HELB: variants seen among roughly 807,000 people sequenced by gnomAD.
HELB encodes DNA 5'-3' helicase B.
Under a neutral mutation model 101.7 loss-of-function variants are expected in HELB, and 96 were observed. The observed-to-expected ratio is 0.94, with a 90% CI of 0.80 to 1.12. HELB has a LOEUF of 1.12. Among genes scored for constraint, HELB ranks in the 50% most tolerant of loss-of-function variants. HELB has a pLI of 0.00. For synonymous variants in HELB, 437 were observed against 459.7 expected (o/e 0.95, Z 0.63); for missense variants, 1,210 against 1,291.9 (o/e 0.94, Z 0.97).
At chr12:66,313,234 T>C (rs2136995533) in intron 4 of HELB, among the ~76,000 whole-genome samples, 1 of 152,214 alleles carries the variant, frequency 6.6e-6, no homozygotes, top group Non-Finnish European at 1.5e-5. Context: ...TATGATACCA[T>C]TTAGAAAATC....
rs1331834814 is a variant in HELB at position 66,324,923 on chromosome 12, C to T, written c.2527-60C>T. The T allele has an allele frequency of 9.4e-6, 15 of 1,590,106 alleles. No individual in the cohort carries two copies. The South Asian group carries it at 1.0e-4, about 11-fold the overall frequency. ...GACCCAAAGATAGAATATCTTTGAA[C>T]GTATTTGAACGTAGAACATATTTGA... On this transcript the variant is annotated intron_variant, in intron 10 of 12. Transcript: ENST00000247815.
In HELB at chr12:66,310,294, C is replaced by A. The variant is rs769875630; in HGVS notation, c.1366C>A (p.Arg456=). ...DQDQVEVPLD[R]DQVAALEMIC... is the part of the protein sequence containing the mutation. ...GGATCAGGTTGAAGTTCCACTGGAT[C>A]GGGATCAGGTGGCTGCTTTGGAAAT... is the stretch of plus-strand genomic sequence containing the variant. Residue 456 remains arginine, a synonymous_variant, in exon 4 of 13, where the codon CGG becomes AGG. Coordinates refer to ENST00000247815, the MANE Select transcript of HELB (RefSeq NM_001370285.1). 1.8e-5 allele frequency: 29 copies of A among 1,613,944 alleles called. No homozygotes were observed. The highest frequency in any genetic ancestry group is 2.4e-5 in the Non-Finnish European group (28 of 1,180,038).
Position 66,338,136 on chromosome 12 carries a change from T to C in HELB, c.*34T>C. 8.1e-7 allele frequency: 1 copy of C among 1,229,692 alleles called. No individual in the cohort carries two copies. The highest frequency in any genetic ancestry group is 1.2e-6 in the Non-Finnish European group (1 of 834,708). The allele number at this position is 1,229,692 out of a possible 1,614,324, so 76.2% of individuals were successfully genotyped here. A position where few individuals can be genotyped will look rare whatever the true frequency, so the allele number is the denominator to read the frequency against. The stretch of plus-strand genomic sequence containing the variant: ...CAAATTGTTCCGAGTAACTATGTTT[T>C]TCTATTGGAGACAAAATGAACATCG... On this transcript the variant is annotated 3_prime_UTR_variant, in exon 13 of 13. Transcript: ENST00000247815.
Position 66,324,035 on chromosome 12 carries a change from A to G in HELB, c.2350A>G (p.Arg784Gly). ...AATTGGTGATAAAATTTGTTGTACC[A>G]GGAATGCATACCTCTCAGACTTACT... is the stretch of plus-strand genomic sequence containing the variant. Reference protein sequence around the residue: ...FGIGDKICCTRNAYLSDLLPE... With the variant: ...FGIGDKICCTGNAYLSDLLPE... The change falls in exon 10 of 13, where the codon AGG becomes GGG. Residue 784 changes from arginine to glycine, a missense_variant. Arg to Gly is a moderately radical substitution (Grantham distance 125). Around this residue, in one of 2 missense-constraint regions of HELB, gnomAD observed 740 missense variants for 728.8 expected, o/e 1.02. Transcript: ENST00000247815. 3 of 1,613,676 alleles carry G rather than the reference A, an allele frequency of 1.9e-6. No homozygotes were observed. The highest frequency in any genetic ancestry group is 1.7e-6 in the Non-Finnish European group (2 of 1,179,704).
intron 3 of HELB, among the ~76,000 whole-genome samples, chr12:66,308,283 A>T (rs1453385747): frequency 1.3e-5 from 2 of 152,086 alleles, no homozygotes; most frequent in African/African-American, 4.8e-5. Context: ...GGCAGAGATT[A>T]TCTGGTGGTG....
At chr12:66,316,191 T>C (rs768051354) in intron 6 of HELB, among the ~76,000 whole-genome samples, 1 of 152,190 alleles carries the variant, frequency 6.6e-6, no homozygotes, top group African/African-American at 2.4e-5. Flanking sequence ...GGCTGTACTA[T>C]ATAGCCTAGA....
chr12:66,331,415 C>T lies in HELB; in HGVS notation c.2932C>T (p.Pro978Ser), dbSNP rs1025406786. The T allele has an allele frequency of 6.2e-7, 1 of 1,614,186 alleles. No individual in the cohort carries two copies. Among genetic ancestry groups the T allele is most frequent in the Non-Finnish European group, 8.5e-7 (1 of 1,180,028 alleles). Reference protein sequence around the residue: ...PRKSSGDSGGPSTPSASPLPV... With the variant: ...PRKSSGDSGGSSTPSASPLPV... ...GAAGAGCTCTGGAGACAGTGGAGGA[C>T]CCAGCACACCGTCAGCATCTCCACT... The change falls in exon 12 of 13, where the codon CCC becomes TCC. Residue 978 changes from proline to serine, a missense_variant. Pro to Ser is a moderately conservative substitution (Grantham distance 74, BLOSUM62 -1). Transcript: ENST00000247815.
chr12:66,334,770 C>A lies in HELB; in HGVS notation c.3162+3125C>A, dbSNP rs569283180. Among the ~76,000 whole-genome samples, 4 of 148,428 alleles carry A rather than the reference C, an allele frequency of 2.7e-5. No individual in the cohort carries two copies. The South Asian group carries it at 8.6e-4, about 32-fold the overall frequency. On this transcript the variant is annotated intron_variant, in intron 12 of 12. Transcript: ENST00000247815. ...TTCCAGCCTGGGCGACAGAATGAGA[C>A]CCTGTCTCAAAAATAAATAAATAAA...
intron 12 of HELB, 36 bp downstream of exon 12, chr12:66,331,681 T>G (rs759857491): frequency 6.5e-7 from 1 of 1,549,476 alleles, no homozygotes; most frequent in Non-Finnish European, 8.7e-7. Context: ...AAGTTTTATT[T>G]AAATATCGCT....
At chr12:66,337,923 C>A in intron 12 of HELB, 78 bp from the exon 13 acceptor site, 1 of 803,296 alleles carries the variant, frequency 1.2e-6, no homozygotes, top group Non-Finnish European at 2.0e-6. Flanking sequence ...TTTTCTGAAG[C>A]AGAGGGAATA....
intron 11 of HELB, 68 bp downstream of exon 11, chr12:66,325,194 G>C (rs145226758): frequency 1.2e-5 from 13 of 1,119,414 alleles, no homozygotes; most frequent in Middle Eastern, 2.4e-4. Context: ...CATTGTTTTC[G>C]TAAATTTTTG....
intron 11 of HELB, among the ~76,000 whole-genome samples, chr12:66,329,740 T>G (rs1378746323): frequency 6.6e-6 from 1 of 152,150 alleles, no homozygotes; most frequent in East Asian, 1.9e-4. Context: ...CATTAAGTAT[T>G]AATAATAGTA....
At chr12:66,327,066 A>ATATATATATATATATAT (rs58699707) in intron 11 of HELB, among the ~76,000 whole-genome samples, 1 of 46,810 alleles carries the variant, frequency 2.1e-5, no homozygotes, top group African/African-American at 1.3e-4. Flanking sequence ...AAAAAAAAAA[A>ATATATATATATATATAT]ATATATATAT....
intron 11 of HELB, among the ~76,000 whole-genome samples, chr12:66,326,962 G>T (rs1445559550): frequency 7.0e-6 from 1 of 143,678 alleles, no homozygotes. Flanking sequence ...CTTGATCCTG[G>T]GAGGCAGAGG....
intron 7 of HELB, among the ~76,000 whole-genome samples, chr12:66,319,276 T>C (rs919492031): frequency 1.3e-5 from 2 of 152,186 alleles, no homozygotes; most frequent in African/African-American, 4.8e-5. Flanking sequence ...ATAAAATGGG[T>C]AAACGCATGG....
At chr12:66,333,200 G>T (rs1356882127) in intron 12 of HELB, among the ~76,000 whole-genome samples, 5 of 152,154 alleles carry the variant, frequency 3.3e-5, no homozygotes, top group Non-Finnish European at 1.5e-5. Context: ...AGTCTATGAG[G>T]ATGAAAAACA....
chr12:66,304,429 A>G (rs554069896), intron 1 of HELB, among the ~76,000 whole-genome samples: 57 of 152,330 alleles, frequency 3.7e-4, no homozygotes, highest in African/African-American at 1.3e-3. Flanking sequence ...GGCTGAAGTC[A>G]AGAGTAGCAG....
intron 11 of HELB, among the ~76,000 whole-genome samples, chr12:66,328,712 A>T (rs1211879715): frequency 6.6e-6 from 1 of 152,240 alleles, no homozygotes; most frequent in East Asian, 1.9e-4. Context: ...ATGAAAATTT[A>T]GTATCTAAAT....
intron 4 of HELB, among the ~76,000 whole-genome samples, chr12:66,311,952 A>G (rs2053549935): frequency 6.6e-6 from 1 of 152,196 alleles, no homozygotes; most frequent in African/African-American, 2.4e-5. Context: ...CTTAGGGGAA[A>G]GGCCTTTGCA....
Sources: gnomAD v4.1 joint callset for allele counts (sites outside exome capture counted in the v4.1 genomes callset) on GRCh38, gnomAD v4.1.1 for gene constraint, gnomAD v4.1.1 regional missense constraint, MANE v1.5 for transcripts, NCBI Gene and HGNC (gene_info 2026-07-23, HGNC 2026-07-21) for gene names.